The following TMPRSS12 variants were observed in gnomAD, a reference collection of about 807,000 sequenced individuals.
TMPRSS12 encodes transmembrane protease serine 12.
A neutral mutation model predicts 26.0 loss-of-function variants in TMPRSS12; 25 were observed. The observed-to-expected ratio is 0.96, with a 90% CI of 0.70 to 1.34. TMPRSS12 has a LOEUF of 1.34. Among genes scored for constraint, TMPRSS12 ranks in the 40% most tolerant of loss-of-function variants. TMPRSS12 has a pLI of 0.00. For missense variants in TMPRSS12, 441 were observed against 440.1 expected, an observed-to-expected ratio of 1.00 and a Z score of -0.02; for synonymous variants, 150 against 161.7, an observed-to-expected ratio of 0.93 and a Z score of 0.55.
At chr12:50,877,429 T>C (rs923852473) in intron 3 of TMPRSS12, among the ~76,000 whole-genome samples, 1 of 152,158 alleles carries the variant, frequency 6.6e-6, no homozygotes, top group Admixed American at 6.5e-5. Context: ...GGAAACTTTA[T>C]TCACAGATGA....
chr12:50,876,810 A>G (rs1938118174), intron 3 of TMPRSS12, among the ~76,000 whole-genome samples: 1 of 151,350 alleles, frequency 6.6e-6, no homozygotes, highest in African/African-American at 2.4e-5. Flanking sequence ...TCTCAAAAAA[A>G]AAAAAAAAAA....
chr12:50,867,667 C>A (rs1377975656), intron 3 of TMPRSS12, among the ~76,000 whole-genome samples: 2 of 152,182 alleles, frequency 1.3e-5, no homozygotes, highest in Non-Finnish European at 2.9e-5. Context: ...TCTAGGCACA[C>A]TGTCATCAGG....
At chr12:50,880,568 C>T (rs1403696014) in intron 3 of TMPRSS12, among the ~76,000 whole-genome samples, 1 of 152,102 alleles carries the variant, frequency 6.6e-6, no homozygotes, top group African/African-American at 2.4e-5. Flanking sequence ...AACAGTTTGA[C>T]GGTTTCTGGG....
chr12:50,886,677 A>C (rs1938229813), intron 4 of TMPRSS12: 1 of 152,290 alleles, frequency 6.6e-6, no homozygotes, highest in Non-Finnish European at 1.5e-5. Context: ...GTGCATTCCT[A>C]ATTTTGTATA....
intron 2 of TMPRSS12, among the ~76,000 whole-genome samples, chr12:50,849,310 A>G (rs552146266): frequency 1.3e-5 from 2 of 152,198 alleles, no homozygotes; most frequent in African/African-American, 4.8e-5. Flanking sequence ...CCTAACTCAC[A>G]TTAGTAGAAA....
chr12:50,849,467 G>A (rs187502946), intron 2 of TMPRSS12, among the ~76,000 whole-genome samples: 1 of 151,952 alleles, frequency 6.6e-6, no homozygotes, highest in East Asian at 1.9e-4. Context: ...AGATAGTCAT[G>A]TAATTACTAC....
Position 50,842,953 on chromosome 12 carries a change from C to T in TMPRSS12, c.-12C>T. 6.4e-7 allele frequency: 1 copy of T among 1,571,404 alleles called. No individual in the cohort carries two copies. The highest frequency in any genetic ancestry group is 8.7e-7 in the Non-Finnish European group (1 of 1,155,862). On this transcript the variant is annotated 5_prime_UTR_variant, in exon 1 of 5. Coordinates refer to ENST00000398458, the MANE Select transcript of TMPRSS12 (RefSeq NM_182559.3). ...GAAGTACCTGCCGCCATCTTGCTCA[C>T]CAGCCTCCAAAATGCGGCTGGGGCT...
intron 2 of TMPRSS12, among the ~76,000 whole-genome samples, chr12:50,846,415 G>A (rs529122138): frequency 1.8e-4 from 27 of 152,224 alleles, no homozygotes; most frequent in African/African-American, 6.5e-4. Flanking sequence ...CCCATTAGAT[G>A]GTATTGGCAT....
At chr12:50,862,167 A>G (rs1251637782) in intron 3 of TMPRSS12, among the ~76,000 whole-genome samples, 1 of 152,190 alleles carries the variant, frequency 6.6e-6, no homozygotes, top group African/African-American at 2.4e-5. Flanking sequence ...GAGAGCAATG[A>G]TACCCATCAG....
intron 3 of TMPRSS12, among the ~76,000 whole-genome samples, chr12:50,879,612 G>GA (rs1249893369): frequency 6.6e-6 from 1 of 152,132 alleles, no homozygotes; most frequent in Admixed American, 6.6e-5. Context: ...GGTCTGACTA[G>GA]AAAAGAAGGC....
chr12:50,851,006 C>T (rs1012435468), intron 2 of TMPRSS12, among the ~76,000 whole-genome samples: 1 of 152,190 alleles, frequency 6.6e-6, no homozygotes, highest in Admixed American at 6.6e-5. Context: ...ACTTATAACA[C>T]AGTCAAACCC....
At chr12:50,844,170 G>A in intron 2 of TMPRSS12, 133 bp downstream of exon 2, 2 of 554,798 alleles carry the variant, frequency 3.6e-6, no homozygotes, top group Non-Finnish European at 5.7e-6. Flanking sequence ...ATAGTACAGT[G>A]TATTTGTTGA....
intron 3 of TMPRSS12, among the ~76,000 whole-genome samples, chr12:50,866,538 C>T (rs775949560): frequency 6.6e-6 from 1 of 151,732 alleles, no homozygotes; most frequent in Non-Finnish European, 1.5e-5. Context: ...ATGGTCCTTC[C>T]CTACCCACCC....
At chr12:50,844,764 G>A (rs935106789) in intron 2 of TMPRSS12, among the ~76,000 whole-genome samples, 2 of 152,142 alleles carry the variant, frequency 1.3e-5, no homozygotes, top group Non-Finnish European at 2.9e-5. Context: ...TCTCACAATT[G>A]CATGAAAACC....
chr12:50,864,078 A>T (rs1937964599), intron 3 of TMPRSS12, among the ~76,000 whole-genome samples: 1 of 152,196 alleles, frequency 6.6e-6, no homozygotes, highest in Admixed American at 6.5e-5. Context: ...GCCTAATGGA[A>T]GGGGGAAAAG....
At chr12:50,856,899 A>G (rs1021501651) in intron 2 of TMPRSS12, among the ~76,000 whole-genome samples, 2 of 152,080 alleles carry the variant, frequency 1.3e-5, no homozygotes, top group Non-Finnish European at 2.9e-5. Flanking sequence ...CATGTTGCCC[A>G]GGGTGGGCTC....
rs1341444266 is a variant in TMPRSS12 at position 50,859,024 on chromosome 12, T to C, written c.623T>C (p.Ile208Thr). 1 of 1,599,830 alleles carries C rather than the reference T, an allele frequency of 6.3e-7. No homozygotes were observed. Among genetic ancestry groups the C allele is most frequent in the Non-Finnish European group, 8.5e-7 (1 of 1,174,526 alleles). The change falls in exon 3 of 5, where the codon ATA becomes ACA. Residue 208 changes from isoleucine to threonine, a missense_variant. Ile to Thr is a moderately conservative substitution (Grantham distance 89). Transcript: ENST00000398458. ...QILDGNTKCF[I>T]SGWGRTKEEG... The stretch of plus-strand genomic sequence containing the variant: ...CTGGACGGAAACACAAAGTGTTTTA[T>C]AAGTGGCTGGGGAAGAACAAAAGAA...
At chr12:50,879,797 G>A (rs1364357818) in intron 3 of TMPRSS12, among the ~76,000 whole-genome samples, 3 of 151,154 alleles carry the variant, frequency 2.0e-5, no homozygotes, top group East Asian at 2.0e-4. Flanking sequence ...GCAAAACCCC[G>A]TCTCCACAAA....
chr12:50,844,076 G>A, intron 2 of TMPRSS12, 39 bp downstream of exon 2: 2 of 1,461,714 alleles, frequency 1.4e-6, no homozygotes, highest in South Asian at 1.5e-5. Context: ...TGCTCTTAGG[G>A]GATATTTTGA....
Sources: allele counts gnomAD v4.1 joint callset (sites outside exome capture counted in the v4.1 genomes callset), GRCh38; gene constraint gnomAD v4.1.1; transcripts MANE v1.5; gene names NCBI Gene and HGNC (gene_info 2026-07-23, HGNC 2026-07-21).